LRRC7: variants seen among roughly 807,000 people sequenced by gnomAD.
The protein encoded by LRRC7 is leucine-rich repeat-containing protein 7.
In LRRC7, 23 loss-of-function variants were observed where a neutral mutation model predicts 175.7. The observed-to-expected ratio is 0.13, with a 90% CI of 0.09 to 0.19. The LOEUF (loss-of-function observed/expected upper bound fraction) is 0.19, where lower values mean the gene tolerates loss of function less well. LRRC7 is among the 10% of genes least tolerant of loss of function. The pLI, the probability that LRRC7 is intolerant of heterozygous loss-of-function variation, is 1.00. For missense variants in LRRC7, 1,354 were observed against 1,904.7 expected (o/e 0.71, Z 5.38); for synonymous variants, 685 against 680.9 (o/e 1.01, Z -0.09).
At chr1:69,809,134 T>A (rs1474471674) in intron 4 of LRRC7, among the ~76,000 whole-genome samples, 2 of 152,100 alleles carry the variant, frequency 1.3e-5, no homozygotes, top group Non-Finnish European at 2.9e-5. Flanking sequence ...CATCAGAGAA[T>A]ACTATAAACA....
At chr1:70,047,436 T>G (rs1235135355) in intron 22 of LRRC7, among the ~76,000 whole-genome samples, 10 of 152,082 alleles carry the variant, frequency 6.6e-5, no homozygotes, top group Non-Finnish European at 1.3e-4. Flanking sequence ...TTGCCAAGGC[T>G]TGCCTCTTGC....
Position 69,923,748 on chromosome 1 carries a change from G to A in LRRC7, c.648-7759G>A, listed in dbSNP as rs867134742. Among the ~76,000 whole-genome samples, 26 of 151,834 alleles carry A rather than the reference G, an allele frequency of 1.7e-4. 1 individual carries two copies. The highest frequency in any genetic ancestry group is 5.3e-4 in the African/African-American group (22 of 41,402). Reference sequence around the variant, plus strand: ...TTGCGAAAATTTTCTCCCATTTTGTGGGTTGCCTGTTCACTCTGATGGTAG... The same window carrying A: ...TTGCGAAAATTTTCTCCCATTTTGTAGGTTGCCTGTTCACTCTGATGGTAG... On this transcript the variant is annotated intron_variant, in intron 7 of 26. Transcript: ENST00000651989.
chr1:70,011,763 T>G, intron 11 of LRRC7, 34 bp from the exon 12 acceptor site: 4 of 1,464,808 alleles, frequency 2.7e-6, no homozygotes, highest in Non-Finnish European at 3.8e-6. Flanking sequence ...TATCTAACTT[T>G]TAAAATGTCT....
At chr1:69,781,654 C>T (rs1311214446) in intron 3 of LRRC7, among the ~76,000 whole-genome samples, 1 of 141,126 alleles carries the variant, frequency 7.1e-6, no homozygotes, top group African/African-American at 2.7e-5. Flanking sequence ...TGCACTCCAG[C>T]CTGGGAGACA....
rs552339451 is a variant in LRRC7, at chr1:69,663,700, ATTTTTTTTTT to A, written c.3-14658_3-14649del. Reference sequence around the variant, plus strand: ...TGTCTCCATTAGTTCAATCGTTTTAATTTTTTTTTTTTTTTTTTTTTTTTTTTTTTTTGAG... The same window carrying A: ...TGTCTCCATTAGTTCAATCGTTTTAATTTTTTTTTTTTTTTTTTTTTTGAG... On this transcript the variant is annotated intron_variant, in intron 1 of 26. Transcript: ENST00000651989. Among the ~76,000 whole-genome samples, 3 of 67,742 alleles carry A rather than the reference ATTTTTTTTTT, an allele frequency of 4.4e-5. No individual in the cohort carries two copies. In the South Asian group the frequency reaches 1.8e-3, roughly 42 times the overall value. 44.4% of individuals were successfully genotyped at this position (67,742 alleles called of 152,430 possible). A position where few individuals can be genotyped will look rare whatever the true frequency, so the allele number is the denominator to read the frequency against.
intron 7 of LRRC7, among the ~76,000 whole-genome samples, chr1:69,921,346 A>AAC (rs370444810): frequency 2.0e-5 from 3 of 151,752 alleles, no homozygotes; most frequent in South Asian, 2.1e-4. Context: ...CACACACACA[A>AAC]ACACACACAC....
intron 26 of LRRC7, among the ~76,000 whole-genome samples, chr1:70,110,387 TAAA>T (rs1253183971): frequency 2.0e-5 from 3 of 151,838 alleles, no homozygotes; most frequent in Non-Finnish European, 4.4e-5. Context: ...CTTAAAAAAA[TAAA>T]AAATAAAAAT....
intron 16 of LRRC7, among the ~76,000 whole-genome samples, chr1:70,022,675 G>T (rs544181161): frequency 6.6e-6 from 1 of 152,186 alleles, no homozygotes; most frequent in Non-Finnish European, 1.5e-5. Flanking sequence ...AATGCCATTG[G>T]CTATTGGACA....
chr1:69,640,686 A>T (rs903931030), intron 1 of LRRC7, among the ~76,000 whole-genome samples: 6 of 150,632 alleles, frequency 4.0e-5, no homozygotes, highest in Non-Finnish European at 5.9e-5. Context: ...TGTAATTTTG[A>T]GTTAATTAAA....
chr1:69,865,637 T>C (rs938168564), intron 7 of LRRC7, among the ~76,000 whole-genome samples: 5 of 151,510 alleles, frequency 3.3e-5, no homozygotes, highest in Non-Finnish European at 5.9e-5. Flanking sequence ...CCCGCCACCA[T>C]GCCCAACTAA....
At chr1:69,975,635 A>G (rs1041493582) in intron 8 of LRRC7, among the ~76,000 whole-genome samples, 16 of 152,234 alleles carry the variant, frequency 1.1e-4, no homozygotes, top group Admixed American at 2.6e-4. Flanking sequence ...ATTCTCCCCA[A>G]CTGCTGATGT....
At chr1:69,846,471 G>A (rs995069496) in intron 7 of LRRC7, among the ~76,000 whole-genome samples, 6 of 151,952 alleles carry the variant, frequency 3.9e-5, no homozygotes, top group African/African-American at 1.2e-4. Context: ...TGCAGTAACA[G>A]TGAGGCTGAA....
At chr1:69,698,303 T>C (rs1165016711) in intron 2 of LRRC7, among the ~76,000 whole-genome samples, 2 of 148,688 alleles carry the variant, frequency 1.3e-5, no homozygotes, top group Non-Finnish European at 3.0e-5. Context: ...CATAATCTCA[T>C]GAAGATTGCC....
At chr1:69,966,150 A>G (rs181446943) in intron 8 of LRRC7, among the ~76,000 whole-genome samples, 183 of 152,298 alleles carry the variant, frequency 1.2e-3, no homozygotes, top group Admixed American at 2.1e-3. Flanking sequence ...ATAAAATATC[A>G]TAATTATGTC....
chr1:69,782,971 T>A (rs556804625), intron 3 of LRRC7, among the ~76,000 whole-genome samples: 1 of 152,306 alleles, frequency 6.6e-6, no homozygotes, highest in African/African-American at 2.4e-5. Flanking sequence ...TTGTGAAAAA[T>A]GACCATCCAA....
At chr1:69,615,935 T>C (rs1347407357) in intron 1 of LRRC7, among the ~76,000 whole-genome samples, 1 of 152,036 alleles carries the variant, frequency 6.6e-6, no homozygotes, top group African/African-American at 2.4e-5. Context: ...GAATTTTTGC[T>C]CCTTCGGGGC....
intron 7 of LRRC7, among the ~76,000 whole-genome samples, chr1:69,862,333 G>A (rs1447778614): frequency 6.6e-6 from 1 of 152,154 alleles, no homozygotes; most frequent in East Asian, 1.9e-4. Context: ...AAAATAGAGA[G>A]TGGGATCTTA....
intron 7 of LRRC7, among the ~76,000 whole-genome samples, chr1:69,927,627 C>G (rs1021084719): frequency 3.9e-5 from 6 of 152,320 alleles, no homozygotes; most frequent in African/African-American, 1.4e-4. Flanking sequence ...GCATTCTTCA[C>G]GTAGTTCTCG....
At chr1:69,781,854 A>G (rs1422246129) in intron 3 of LRRC7, among the ~76,000 whole-genome samples, 1 of 109,368 alleles carries the variant, frequency 9.1e-6, no homozygotes, top group Admixed American at 9.2e-5. Context: ...AGGGAGAGAA[A>G]GAAAGAGAAG....
Sources: allele counts gnomAD v4.1 joint callset (sites outside exome capture counted in the v4.1 genomes callset), GRCh38; gene constraint gnomAD v4.1.1; transcripts MANE v1.5; gene names NCBI Gene and HGNC (gene_info 2026-07-23, HGNC 2026-07-21).